The following CSNK1E variants were observed in gnomAD, a reference collection of about 807,000 sequenced individuals.
The protein encoded by CSNK1E is casein kinase I isoform epsilon.
Under a neutral mutation model 46.1 loss-of-function variants are expected in CSNK1E, and 17 were observed. The observed-to-expected ratio is 0.37, with a 90% confidence interval of 0.25 to 0.55. The LOEUF (loss-of-function observed/expected upper bound fraction) is 0.55, where lower values mean the gene tolerates loss of function less well. Among genes scored for constraint, CSNK1E ranks in the 20% least tolerant of loss-of-function variants. CSNK1E has a pLI of 0.82. For missense variants in CSNK1E, 386 were observed against 595.4 expected (o/e 0.65, Z 3.66); for synonymous variants, 241 against 242.6 (o/e 0.99, Z 0.06).
rs557713848 is a variant in CSNK1E, at chr22:38,298,725, T to C, written c.885+61A>G. ...TCCCGCCACCAGCTCACTCTGGCCC[T>C]CTGAGTCAGGGCCTTCCCCATCCAG... On this transcript the variant is annotated intron_variant, in intron 7 of 10. Coordinates refer to ENST00000396832, the MANE Select transcript of CSNK1E (RefSeq NM_152221.3). The surrounding 1 kb of genome is among the most constrained non-coding windows in gnomAD (Gnocchi z 4.2). The C allele has an allele frequency of 4.8e-4, 772 of 1,601,022 alleles. 8 individuals are homozygous for C. In the East Asian group the frequency reaches 0.016, roughly 32 times the overall value.
rs745675429 is a variant in CSNK1E, at chr22:38,293,329, GTGGGGAGGGAGAGA to G, written c.1219-24_1219-11del. 4.4e-6 allele frequency: 7 copies of G among 1,600,942 alleles called. No individual in the cohort carries two copies. In the African/African-American group the frequency reaches 6.7e-5, roughly 15 times the overall value. On this transcript the variant is annotated splice_polypyrimidine_tract_variant and intron_variant, in intron 9 of 10. Transcript: ENST00000396832. ...CAAATGGCACACTTGTCTTTTGAGG[GTGGGGAGGGAGAGA>G]GGGGGAGGGAGAGAGAGGGAGGTAC...
At chr22:38,296,918 GA>G in intron 7 of CSNK1E, 1 of 612,512 alleles carries the variant, frequency 1.6e-6, no homozygotes, top group East Asian at 2.8e-5. Flanking sequence ...GGGATTACAG[GA>G]ACACACCACC....
Position 38,294,641 on chromosome 22 carries a change from A to G in CSNK1E, c.886-107T>C. 9.3e-7 allele frequency: 1 copy of G among 1,079,572 alleles called. No homozygotes were observed. The allele number at this position is 1,079,572 out of a possible 1,614,324, so 66.9% of individuals were successfully genotyped here. On this transcript the variant is annotated intron_variant, in intron 7 of 10. Coordinates refer to ENST00000396832, the MANE Select transcript of CSNK1E (RefSeq NM_152221.3). The surrounding 1 kb of genome is among the most constrained non-coding windows in gnomAD (Gnocchi z 5.5). ...GGGAGGGAGGCCAGGTGGATATCTC[A>G]GAAACCTTCTGCTCCAGCCTCCCTG...
intron 10 of CSNK1E, chr22:38,293,035 T>C: frequency 3.6e-6 from 2 of 562,448 alleles, no homozygotes; most frequent in South Asian, 2.1e-5. Context: ...CAGAAACTAA[T>C]CCATGAGGGG....
intron 9 of CSNK1E, chr22:38,293,855 C>T (rs183671504): frequency 1.1e-5 from 6 of 528,904 alleles, no homozygotes; most frequent in Admixed American, 6.5e-5. Flanking sequence ...CCCCTGGCAG[C>T]GAGGACTGGA....
At chr22:38,299,192 G>A (rs915551572) in intron 6 of CSNK1E, among the ~76,000 whole-genome samples, 4 of 152,336 alleles carry the variant, frequency 2.6e-5, no homozygotes, top group Non-Finnish European at 5.9e-5. Flanking sequence ...CCAGGTAGCC[G>A]GATCCAGGAG....
intron 2 of CSNK1E, among the ~76,000 whole-genome samples, chr22:38,311,975 T>C (rs926481660): frequency 6.6e-6 from 1 of 152,308 alleles, no homozygotes; most frequent in African/African-American, 2.4e-5. Flanking sequence ...AGCTAATTTT[T>C]GTATCTTTAG....
intron 2 of CSNK1E, among the ~76,000 whole-genome samples, chr22:38,304,639 A>T (rs967639127): frequency 5.9e-5 from 9 of 152,140 alleles, no homozygotes; most frequent in African/African-American, 1.9e-4. Flanking sequence ...AGAGGAAAGG[A>T]TGCCTGCTTC....
At chr22:38,313,424 C>T (rs1349676246) in intron 2 of CSNK1E, among the ~76,000 whole-genome samples, 1 of 152,282 alleles carries the variant, frequency 6.6e-6, no homozygotes, top group African/African-American at 2.4e-5. Flanking sequence ...GACCGTGCCC[C>T]TCAGAAGTGG....
rs931199459 is a variant in CSNK1E at position 38,314,136 on chromosome 22, T to G, written c.22A>C (p.Lys8Gln). 1 of 1,613,982 alleles carries G rather than the reference T, an allele frequency of 6.2e-7. No homozygotes were observed. The highest frequency in any genetic ancestry group is 8.5e-7 in the Non-Finnish European group (1 of 1,179,982). ...CCGATCTTCCGTCCCAGGCGGTACTTGTTCCCCACACGTAGCTCCATGGCT... is the reference window on the plus strand; with the variant it reads ...CCGATCTTCCGTCCCAGGCGGTACTGGTTCCCCACACGTAGCTCCATGGCT... MELRVGN[K>Q]YRLGRKIGSG... The change falls in exon 2 of 11, where the codon AAG becomes CAG. Residue 8 changes from lysine to glutamine, a missense_variant. Coordinates refer to ENST00000396832, the MANE Select transcript of CSNK1E (RefSeq NM_152221.3).
chr22:38,299,850 G>C (rs1003499185), intron 6 of CSNK1E, 45 bp downstream of exon 6: 1 of 1,598,724 alleles, frequency 6.3e-7, no homozygotes, highest in African/African-American at 1.3e-5. Flanking sequence ...CTTAGACAGT[G>C]CCTCAGGGGC....
chr22:38,296,758 A>G, intron 7 of CSNK1E: 1 of 1,545,702 alleles, frequency 6.5e-7, no homozygotes, highest in Non-Finnish European at 8.8e-7. Flanking sequence ...TAGAGCAGTG[A>G]TGTCCACAGA....
At position 38,294,498 on chromosome 22, in the gene CSNK1E, G is replaced by A. The variant is rs1470583169; in HGVS notation, c.922C>T (p.Arg308Trp). 5 of 1,595,188 alleles carry A rather than the reference G, an allele frequency of 3.1e-6. No homozygotes were observed. Among genetic ancestry groups the A allele is most frequent in the Non-Finnish European group, 4.3e-6 (5 of 1,172,082 alleles). ...ARNPEDVDRE[R>W]REHEREERMG... ...CTCTCCTCGCGTTCGTGTTCTCGCC[G>A]CTCCCGGTCCACATCCTCGGGATTC... is the stretch of plus-strand genomic sequence containing the variant. Residue 308 changes from arginine to tryptophan, a missense_variant, in exon 8 of 11, where the codon CGG (arginine) becomes TGG (tryptophan). Around this residue, in one of 2 missense-constraint regions of CSNK1E, gnomAD observed 174 missense variants for 185.2 expected, o/e 0.94. Coordinates refer to ENST00000396832, the MANE Select transcript of CSNK1E (RefSeq NM_152221.3). The surrounding 1 kb of genome is among the most constrained non-coding windows in gnomAD (Gnocchi z 5.5).
Position 38,314,176 on chromosome 22 carries a change from A to G in CSNK1E, c.-12-7T>C. ...GCTCCATGGCTCACTCTTGCTGCAG[A>G]GGAAGCAGGAACATGAGGGTCAGCG... On this transcript the variant is annotated splice_region_variant and splice_polypyrimidine_tract_variant and intron_variant, in intron 1 of 10. Coordinates refer to ENST00000396832, the MANE Select transcript of CSNK1E (RefSeq NM_152221.3). 1 of 1,613,042 alleles carries G rather than the reference A, an allele frequency of 6.2e-7. No individual in the cohort carries two copies. Among genetic ancestry groups the G allele is most frequent in the Non-Finnish European group, 8.5e-7 (1 of 1,179,108 alleles).
chr22:38,312,886 TCTCA>T (rs2092727204), intron 2 of CSNK1E, among the ~76,000 whole-genome samples: 1 of 152,168 alleles, frequency 6.6e-6, no homozygotes, highest in African/African-American at 2.4e-5. Context: ...TCTTCCACGC[TCTCA>T]CTCATGTGGA....
chr22:38,317,461 T>G, upstream of CSNK1E: 1 of 121,338 alleles, frequency 8.2e-6, no homozygotes, highest in East Asian at 3.0e-4. Flanking sequence ...CGGCTCCCAT[T>G]GAGCCCCGGG....
At chr22:38,293,770 G>A (rs749814370) in intron 9 of CSNK1E, 6 of 406,524 alleles carry the variant, frequency 1.5e-5, no homozygotes, top group South Asian at 4.3e-5. Context: ...TGCTCACAGG[G>A]GCTCCTGGGG....
intron 10 of CSNK1E, chr22:38,292,169 T>G (rs1294888855): frequency 6.6e-6 from 1 of 152,072 alleles, no homozygotes; most frequent in Non-Finnish European, 1.5e-5. Flanking sequence ...GTGTTTTTAG[T>G]AGAGATGGGT....
In CSNK1E at chr22:38,293,368, C is replaced by T. The variant is rs760485182; in HGVS notation, c.1219-49G>A. ...AGGGGGAGGGAGAGAGAGGGAGGTA[C>T]AAGCTTCAAGTCAAGTCCCTTAGCC... On this transcript the variant is annotated intron_variant, in intron 9 of 10. Coordinates refer to ENST00000396832, the MANE Select transcript of CSNK1E (RefSeq NM_152221.3). 4 of 1,208,198 alleles carry T rather than the reference C, an allele frequency of 3.3e-6. No homozygotes were observed. In the East Asian group the frequency reaches 7.0e-5, roughly 21 times the overall value. 74.8% of individuals were successfully genotyped at this position (1,208,198 alleles called of 1,614,324 possible).
Sources: allele counts gnomAD v4.1 joint callset (sites outside exome capture counted in the v4.1 genomes callset), GRCh38; gene constraint gnomAD v4.1.1; regional missense constraint gnomAD v4.1.1; non-coding constraint Gnocchi (gnomAD v3.1); transcripts MANE v1.5; gene names NCBI Gene and HGNC (gene_info 2026-07-23, HGNC 2026-07-21).